The following MGAT4C variants were observed in gnomAD, a reference collection of about 807,000 sequenced individuals.
The protein encoded by MGAT4C is MGAT4 family member C.
Under a neutral mutation model 40.1 loss-of-function variants are expected in MGAT4C, and 19 were observed. That is an observed-to-expected ratio of 0.47 (90% confidence interval 0.33 to 0.70). The LOEUF (loss-of-function observed/expected upper bound fraction) is 0.70. MGAT4C is among the 30% of genes least tolerant of loss of function. The pLI is 0.02. For missense variants in MGAT4C, 491 were observed against 563.2 expected (o/e 0.87, Z 1.30); for synonymous variants, 181 against 187.1 (o/e 0.97, Z 0.27).
intron 2 of MGAT4C, among the ~76,000 whole-genome samples, chr12:86,476,354 A>G (rs1045327762): frequency 5.3e-5 from 8 of 152,134 alleles, no homozygotes; most frequent in African/African-American, 1.4e-4. Context: ...ATCACTAATC[A>G]TCAGAGAAAT....
At chr12:86,677,865 G>A (rs780302242) in intron 2 of MGAT4C, among the ~76,000 whole-genome samples, 2 of 151,972 alleles carry the variant, frequency 1.3e-5, no homozygotes, top group South Asian at 2.1e-4. Context: ...GAAAGCAAAC[G>A]ACTAAAACTG....
chr12:86,821,432 G>T (rs571687713), intron 1 of MGAT4C, among the ~76,000 whole-genome samples: 1 of 150,926 alleles, frequency 6.6e-6, no homozygotes, highest in African/African-American at 2.4e-5. Context: ...TACAAGCATA[G>T]AATTTGTAAT....
chr12:86,434,909 A>C lies in MGAT4C; in HGVS notation c.-120+248T>G, dbSNP rs371183638. On this transcript the variant is annotated intron_variant, in intron 3 of 7. Transcript: ENST00000548651. ...CATAAAATGACTTCACATTTCACTC[A>C]ACAGAAGAGTAGTTTAAGACTTCCC... Among the ~76,000 whole-genome samples the C allele has an allele frequency of 7.9e-5, 12 of 152,006 alleles. 1 individual carries two copies. Among genetic ancestry groups the C allele is most frequent in the African/African-American group, 2.6e-4 (11 of 41,544 alleles).
At chr12:86,010,737 C>T (rs1888386740) in intron 2 of MGAT4C, among the ~76,000 whole-genome samples, 1 of 152,004 alleles carries the variant, frequency 6.6e-6, no homozygotes, top group Non-Finnish European at 1.5e-5. Flanking sequence ...AAAGATAATC[C>T]CCAGTGTAAC....
At chr12:86,071,227 G>A (rs1868394129) in intron 1 of MGAT4C, among the ~76,000 whole-genome samples, 1 of 151,850 alleles carries the variant, frequency 6.6e-6, no homozygotes, top group Non-Finnish European at 1.5e-5. Context: ...AATGTAGACA[G>A]GGAAAAAATA....
At chr12:86,057,583 G>T (rs1320831806) in intron 1 of MGAT4C, among the ~76,000 whole-genome samples, 1 of 152,064 alleles carries the variant, frequency 6.6e-6, no homozygotes, top group African/African-American at 2.4e-5. Context: ...TGTCACCTCT[G>T]CAGGAATGGC....
At position 86,499,007 on chromosome 12, in the gene MGAT4C, T is replaced by C. The variant is rs112326371; in HGVS notation, c.-228-63742A>G. ...TCACCATTTCCAAAAGAGAATCCATTTTGTAAATAAACAGTGGAAGTACTG... is the reference window on the plus strand; with the variant it reads ...TCACCATTTCCAAAAGAGAATCCATCTTGTAAATAAACAGTGGAAGTACTG... On this transcript the variant is annotated intron_variant, in intron 2 of 7. Transcript: ENST00000548651. Among the ~76,000 whole-genome samples the C allele has an allele frequency of 3.3e-3, 500 of 152,094 alleles. 3 individuals are homozygous for C. The highest frequency in any genetic ancestry group is 0.012 in the African/African-American group (483 of 41,536).
At chr12:86,145,732 T>G (rs1456667282) in intron 1 of MGAT4C, among the ~76,000 whole-genome samples, 1 of 152,184 alleles carries the variant, frequency 6.6e-6, no homozygotes, top group Non-Finnish European at 1.5e-5. Context: ...TTTGATCACT[T>G]CTGAAAATAC....
chr12:86,088,226 G>C (rs1480034179), intron 1 of MGAT4C, among the ~76,000 whole-genome samples: 1 of 151,982 alleles, frequency 6.6e-6, no homozygotes, highest in Non-Finnish European at 1.5e-5. Flanking sequence ...ATCAACTCAA[G>C]ATGAATTAAA....
chr12:86,349,533 G>T (rs80064446), intron 3 of MGAT4C, among the ~76,000 whole-genome samples: 2,646 of 152,190 alleles, frequency 0.017, 30 homozygotes, highest in Non-Finnish European at 0.026. Context: ...AGAGCCTCTT[G>T]TAAACCCTCT....
intron 3 of MGAT4C, among the ~76,000 whole-genome samples, chr12:86,433,125 C>T (rs1404941816): frequency 6.6e-6 from 1 of 151,844 alleles, no homozygotes; most frequent in African/African-American, 2.4e-5. Context: ...TCCTGCTGTG[C>T]CAAACTCATC....
At chr12:86,583,212 GAA>G (rs1173206954) in intron 2 of MGAT4C, among the ~76,000 whole-genome samples, 1 of 151,104 alleles carries the variant, frequency 6.6e-6, no homozygotes, top group Non-Finnish European at 1.5e-5. Context: ...GAAACACTAA[GAA>G]AGCAGAAAAC....
rs151198632 is a variant in MGAT4C, at chr12:86,571,762, C to G, written c.-228-136497G>C. Among the ~76,000 whole-genome samples, 1,464 of 152,152 alleles carry G rather than the reference C, an allele frequency of 9.6e-3. 29 individuals are homozygous for G. Among genetic ancestry groups the G allele is most frequent in the African/African-American group, 0.034 (1,391 of 41,510 alleles). The stretch of plus-strand genomic sequence containing the variant: ...TTAATTTTATCTGAATAGGAAAACT[C>G]AAAGACAATCCCCACACTGCTGAAT... On this transcript the variant is annotated intron_variant, in intron 2 of 7. Transcript: ENST00000548651.
chr12:86,640,141 AG>A (rs1453676778), intron 2 of MGAT4C, among the ~76,000 whole-genome samples: 1 of 151,776 alleles, frequency 6.6e-6, no homozygotes, highest in Non-Finnish European at 1.5e-5. Flanking sequence ...AATATATCTA[AG>A]AAGAAATATT....
intron 1 of MGAT4C, among the ~76,000 whole-genome samples, chr12:86,147,358 C>T (rs1883676789): frequency 6.6e-6 from 1 of 152,130 alleles, no homozygotes; most frequent in East Asian, 1.9e-4. Flanking sequence ...TCTCCTGCTT[C>T]AGCCTCCCAA....
chr12:86,101,740 A>C (rs1158035451), intron 1 of MGAT4C, among the ~76,000 whole-genome samples: 4 of 151,836 alleles, frequency 2.6e-5, no homozygotes, highest in Non-Finnish European at 5.9e-5. Context: ...CAGAGATATG[A>C]TTTAGTCTAA....
At chr12:86,207,841 C>T (rs2135950660) in intron 1 of MGAT4C, among the ~76,000 whole-genome samples, 1 of 152,134 alleles carries the variant, frequency 6.6e-6, no homozygotes, top group South Asian at 2.1e-4. Flanking sequence ...ATCCAAATCA[C>T]TAGAAAATAT....
At chr12:86,627,685 G>A (rs969587061) in intron 2 of MGAT4C, among the ~76,000 whole-genome samples, 1 of 152,150 alleles carries the variant, frequency 6.6e-6, no homozygotes, top group Non-Finnish European at 1.5e-5. Flanking sequence ...CAAACAGAAA[G>A]GAATACCACT....
At chr12:86,749,286 C>T (rs138620644) in intron 1 of MGAT4C, among the ~76,000 whole-genome samples, 3 of 151,680 alleles carry the variant, frequency 2.0e-5, no homozygotes, top group Non-Finnish European at 1.5e-5. Flanking sequence ...AGACAATATG[C>T]AACCTCTTGA....
Sources: gnomAD v4.1 joint callset for allele counts (sites outside exome capture counted in the v4.1 genomes callset) on GRCh38, gnomAD v4.1.1 for gene constraint, MANE v1.5 for transcripts, NCBI Gene and HGNC (gene_info 2026-07-23, HGNC 2026-07-21) for gene names.